ANKRD11: variants seen among roughly 807,000 people sequenced by gnomAD.
The protein encoded by ANKRD11 is ankyrin repeat domain 11, also known as ankyrin repeat domain-containing protein 11.
ANKRD11 carries 17 observed loss-of-function variants against 195.7 expected under a neutral mutation model. The observed-to-expected ratio is 0.09, with a 90% CI of 0.06 to 0.13. The LOEUF (loss-of-function observed/expected upper bound fraction) is 0.13, where lower values mean the gene tolerates loss of function less well. Ranked by LOEUF, ANKRD11 falls within the 10% of genes least tolerant of loss-of-function variation. The probability of loss-of-function intolerance (pLI) is 1.00; values close to 1 mark genes in which losing one functional copy is unlikely to be tolerated. For synonymous variants in ANKRD11, 1,953 were observed against 1,528.1 expected, an observed-to-expected ratio of 1.28 and a Z score of -6.49; for missense variants, 3,735 against 3,566.1, an observed-to-expected ratio of 1.05 and a Z score of -1.21.
chr16:89,295,373 C>T lies in ANKRD11; in HGVS notation c.227-4190G>A, dbSNP rs147267610. On this transcript the variant is annotated intron_variant, in intron 4 of 12. Transcript: ENST00000301030. ...TGACCTGAGCCTGGGCGGCCACCCA[C>T]CTCATCTTTAAGAAACAAGGCCCGT... Among the ~76,000 whole-genome samples the T allele has an allele frequency of 3.5e-3, 537 of 152,200 alleles. 2 individuals carry two copies. Among genetic ancestry groups the T allele is most frequent in the South Asian group, 0.018 (85 of 4,828 alleles).
At chr16:89,411,073 T>C (rs1453258575) in intron 2 of ANKRD11, among the ~76,000 whole-genome samples, 6 of 152,092 alleles carry the variant, frequency 3.9e-5, no homozygotes, top group South Asian at 2.1e-4. Flanking sequence ...GGGCGGCCAG[T>C]GCAGGAGGCA....
chr16:89,426,490 C>T (rs2042719360), intron 1 of ANKRD11, among the ~76,000 whole-genome samples: 1 of 149,496 alleles, frequency 6.7e-6, no homozygotes, highest in Non-Finnish European at 1.5e-5. Flanking sequence ...TAAAACAAGC[C>T]TTGAAAGGGA....
intron 1 of ANKRD11, 146 bp downstream of exon 1, chr16:89,490,099 C>T (rs985750468): frequency 2.1e-5 from 3 of 143,646 alleles, no homozygotes; most frequent in Non-Finnish European, 3.1e-5. Flanking sequence ...CCCCAAAGAC[C>T]CCCGCCCACC....
chr16:89,361,061 C>T (rs1397693012), intron 2 of ANKRD11, among the ~76,000 whole-genome samples: 2 of 152,184 alleles, frequency 1.3e-5, no homozygotes, highest in Admixed American at 1.3e-4. Context: ...ATCAGCCCAC[C>T]CCAGCCCCTG....
At chr16:89,364,111 GA>G in intron 2 of ANKRD11, among the ~76,000 whole-genome samples, 1 of 151,800 alleles carries the variant, frequency 6.6e-6, no homozygotes, top group Non-Finnish European at 1.5e-5. Flanking sequence ...AGAAAAGGAA[GA>G]AAAAAAAGAC....
chr16:89,307,909 A>G (rs1046965636), intron 3 of ANKRD11, among the ~76,000 whole-genome samples: 1 of 151,396 alleles, frequency 6.6e-6, no homozygotes, highest in African/African-American at 2.4e-5. Context: ...CTGATGAGGG[A>G]AAGTTTCTAC....
In ANKRD11 at chr16:89,284,373, G is replaced by T; in HGVS notation, c.2169C>A (p.Asp723Glu). ...KDEKSLKRIK[D>E]TNKDISRSFR... The stretch of plus-strand genomic sequence containing the variant: ...AAGACCTGCTGATGTCTTTGTTTGT[G>T]TCTTTGATTCTCTTCAGTGATTTTT... The change falls in exon 9 of 13, where the codon GAC becomes GAA. Residue 723 changes from aspartate to glutamate, a missense_variant. Physicochemically the swap from Asp to Glu is conservative, Grantham distance 45. Transcript: ENST00000301030. 6.2e-7 allele frequency: 1 copy of T among 1,613,682 alleles called. No individual in the cohort carries two copies. The highest frequency in any genetic ancestry group is 8.5e-7 in the Non-Finnish European group (1 of 1,179,974).
intron 2 of ANKRD11, chr16:89,323,793 T>A: frequency 4.1e-6 from 1 of 246,850 alleles, no homozygotes; most frequent in South Asian, 4.5e-5. Flanking sequence ...CTCCTTCCCC[T>A]CCTCAGGGCC....
chr16:89,319,065 G>T (rs1297661683), intron 2 of ANKRD11, among the ~76,000 whole-genome samples: 6 of 152,188 alleles, frequency 3.9e-5, no homozygotes, highest in Non-Finnish European at 8.8e-5. Flanking sequence ...CAAGTTTAAG[G>T]ATTATCTGGA....
chr16:89,287,016 T>A, intron 7 of ANKRD11: 1 of 1,289,566 alleles, frequency 7.8e-7, no homozygotes, highest in Non-Finnish European at 1.0e-6. Context: ...TGTGTGAGTT[T>A]TCTATGGTGA....
intron 1 of ANKRD11, among the ~76,000 whole-genome samples, chr16:89,457,048 C>T (rs1039717224): frequency 2.7e-5 from 4 of 149,564 alleles, no homozygotes; most frequent in Admixed American, 2.0e-4. Context: ...CAAGCTCCGC[C>T]TCCCGGGTTC....
chr16:89,471,280 C>T (rs576862403), intron 1 of ANKRD11, among the ~76,000 whole-genome samples: 23 of 152,264 alleles, frequency 1.5e-4, no homozygotes, highest in Admixed American at 9.8e-4. Flanking sequence ...ATTTCCAAAT[C>T]ACAGCTTTCG....
chr16:89,272,097 G>A (rs1309942498), intron 11 of ANKRD11: 2 of 152,110 alleles, frequency 1.3e-5, no homozygotes, highest in South Asian at 2.1e-4. Flanking sequence ...CTGAATAGAC[G>A]TTTCTCAAAG....
chr16:89,488,813 G>A (rs959851147), intron 1 of ANKRD11, among the ~76,000 whole-genome samples: 1 of 152,148 alleles, frequency 6.6e-6, no homozygotes, highest in Non-Finnish European at 1.5e-5. Flanking sequence ...TCTAATGACT[G>A]CATAAAACTC....
intron 1 of ANKRD11, among the ~76,000 whole-genome samples, chr16:89,460,146 G>A (rs1011285730): frequency 6.6e-6 from 1 of 151,924 alleles, no homozygotes; most frequent in Non-Finnish European, 1.5e-5. Context: ...GCTGAGGCAG[G>A]AGAATCATTT....
At chr16:89,487,561 G>C (rs1217047929) in intron 1 of ANKRD11, among the ~76,000 whole-genome samples, 1 of 152,140 alleles carries the variant, frequency 6.6e-6, no homozygotes, top group Non-Finnish European at 1.5e-5. Context: ...GGATCACAAG[G>C]TTAGGAGTTC....
intron 1 of ANKRD11, among the ~76,000 whole-genome samples, chr16:89,432,987 T>C (rs1359249574): frequency 7.8e-6 from 1 of 128,770 alleles, no homozygotes; most frequent in Non-Finnish European, 1.6e-5. Context: ...TCTCTCTCTC[T>C]CTCCTCTCTC....
chr16:89,280,515 G>A lies in ANKRD11; in HGVS notation c.6027C>T (p.Ser2009=), dbSNP rs549967314. ...PLHSAAPGPF[S]ASEAPYPAPP... is the part of the protein sequence containing the mutation. ...GGGCGGGGTACGGCGCCTCCGAGGC[G>A]CTGAAGGGCCCTGGGGCGGCAGAGT... The change falls in exon 9 of 13, where the codon AGC becomes AGT. Residue 2009 remains serine (S), a synonymous_variant. Coordinates refer to ENST00000301030, the MANE Select transcript of ANKRD11 (RefSeq NM_013275.6). 27 of 1,609,990 alleles carry A rather than the reference G, an allele frequency of 1.7e-5. No individual in the cohort carries two copies. The highest frequency in any genetic ancestry group is 1.1e-4 in the East Asian group (5 of 44,762).
intron 1 of ANKRD11, among the ~76,000 whole-genome samples, chr16:89,433,630 CAGCA>C: frequency 6.6e-6 from 1 of 151,938 alleles, no homozygotes; most frequent in South Asian, 2.1e-4. Flanking sequence ...GGCTTGGACG[CAGCA>C]GGGCTGGGCA....
Sources: gnomAD v4.1 joint callset for allele counts (sites outside exome capture counted in the v4.1 genomes callset) on GRCh38, gnomAD v4.1.1 for gene constraint, MANE v1.5 for transcripts, NCBI Gene and HGNC (gene_info 2026-07-23, HGNC 2026-07-21) for gene names.